Variants in PEAK1 observed in about 807,000 individuals in gnomAD.
The protein encoded by PEAK1 is inactive tyrosine-protein kinase PEAK1.
Under a neutral mutation model 124.7 loss-of-function variants are expected in PEAK1, and 54 were observed. That is an observed-to-expected ratio of 0.43 (90% CI 0.35 to 0.54). The LOEUF is 0.54. Ranked by LOEUF, PEAK1 falls within the 20% of genes least tolerant of loss-of-function variation. The pLI is 0.01. For synonymous variants in PEAK1, 719 were observed against 760.0 expected, an observed-to-expected ratio of 0.95 and a Z score of 0.89; for missense variants, 2,046 against 2,134.5, an observed-to-expected ratio of 0.96 and a Z score of 0.82.
intron 2 of PEAK1, among the ~76,000 whole-genome samples, chr15:77,304,038 T>C (rs537149394): frequency 6.6e-6 from 1 of 152,340 alleles, no homozygotes; most frequent in East Asian, 1.9e-4. Context: ...TTCTGTTCTA[T>C]TAATCTATGT....
At chr15:77,398,820 A>G (rs563064795) in intron 1 of PEAK1, among the ~76,000 whole-genome samples, 107 of 152,338 alleles carry the variant, frequency 7.0e-4, no homozygotes, top group African/African-American at 2.5e-3. Flanking sequence ...AAAGAAGTCA[A>G]ATTATCATTG....
chr15:77,224,449 G>T (rs1197956451), intron 6 of PEAK1, among the ~76,000 whole-genome samples: 1 of 151,988 alleles, frequency 6.6e-6, no homozygotes, highest in Admixed American at 6.6e-5. Context: ...TGCACTGACT[G>T]TCAACCTTGC....
At chr15:77,360,640 G>A (rs1395298513) in intron 2 of PEAK1, among the ~76,000 whole-genome samples, 1 of 152,046 alleles carries the variant, frequency 6.6e-6, no homozygotes, top group Non-Finnish European at 1.5e-5. Context: ...TTCTTTATAG[G>A]TGGGTTAGTA....
chr15:77,336,891 A>G (rs917736663), intron 2 of PEAK1, among the ~76,000 whole-genome samples: 2 of 151,728 alleles, frequency 1.3e-5, no homozygotes, highest in African/African-American at 2.4e-5. Context: ...ATAGGGCTAA[A>G]TGAAAAAAAA....
At chr15:77,298,761 C>T (rs2063640295) in intron 2 of PEAK1, among the ~76,000 whole-genome samples, 1 of 152,118 alleles carries the variant, frequency 6.6e-6, no homozygotes, top group Non-Finnish European at 1.5e-5. Flanking sequence ...TTTTCCTCAT[C>T]TCTGGCAGGT....
rs754447700 is a variant in PEAK1, at chr15:77,133,648, G to C, written c.3434C>G (p.Pro1145Arg). 6.2e-7 allele frequency: 1 copy of C among 1,614,078 alleles called. No individual in the cohort carries two copies. The highest frequency in any genetic ancestry group is 8.5e-7 in the Non-Finnish European group (1 of 1,180,008). The change falls in exon 9 of 10, where the codon CCC (proline) becomes CGC (arginine). Residue 1145 changes from proline (P) to arginine (R), a missense_variant. Transcript: ENST00000682557. The surrounding 1 kb of genome is among the most constrained non-coding windows in gnomAD (Gnocchi z 4.2). Reference protein sequence around the residue: ...AFGGKTDQEAPNASQPTPPPL... With the variant: ...AFGGKTDQEARNASQPTPPPL... ...GGGTGGTGTAGGTTGGGAAGCATTG[G>C]GTGCTTCTTGGTCTGTTTTCCCTCC...
intron 6 of PEAK1, among the ~76,000 whole-genome samples, chr15:77,237,119 T>G (rs893861113): frequency 1.3e-5 from 2 of 152,204 alleles, no homozygotes; most frequent in African/African-American, 4.8e-5. Context: ...ATAAGGAGAT[T>G]TAATTTTACA....
At chr15:77,415,462 T>C (rs1460435049) in intron 1 of PEAK1, among the ~76,000 whole-genome samples, 1 of 152,208 alleles carries the variant, frequency 6.6e-6, no homozygotes, top group Non-Finnish European at 1.5e-5. Flanking sequence ...GGTCTCATTA[T>C]GTTGCCCAGG....
intron 7 of PEAK1, among the ~76,000 whole-genome samples, chr15:77,161,352 C>A (rs936032733): frequency 6.6e-6 from 1 of 152,194 alleles, no homozygotes. Flanking sequence ...CTTTGGGGAA[C>A]CAAGCAAAGT....
At chr15:77,339,748 A>G (rs2066420363) in intron 2 of PEAK1, among the ~76,000 whole-genome samples, 2 of 152,214 alleles carry the variant, frequency 1.3e-5, no homozygotes, top group Admixed American at 6.5e-5. Flanking sequence ...TGCAAAAGAC[A>G]TATCTGAAAT....
intron 1 of PEAK1, among the ~76,000 whole-genome samples, chr15:77,378,290 A>G (rs892746502): frequency 1.3e-5 from 2 of 151,682 alleles, no homozygotes; most frequent in African/African-American, 4.8e-5. Flanking sequence ...TGACAATTTT[A>G]CGAAGCATCT....
intron 6 of PEAK1, among the ~76,000 whole-genome samples, chr15:77,245,928 T>C (rs564584380): frequency 6.6e-6 from 1 of 152,308 alleles, no homozygotes; most frequent in East Asian, 1.9e-4. Flanking sequence ...CTATTCAGAA[T>C]TGTTTTTGGC....
intron 2 of PEAK1, among the ~76,000 whole-genome samples, chr15:77,360,820 T>C (rs549280315): frequency 1.3e-5 from 2 of 152,016 alleles, no homozygotes; most frequent in South Asian, 4.2e-4. Flanking sequence ...AATTTTAAAA[T>C]GGCAAAGGAT....
intron 1 of PEAK1, among the ~76,000 whole-genome samples, chr15:77,398,177 T>G (rs2071058881): frequency 2.0e-5 from 3 of 152,088 alleles, no homozygotes; most frequent in Admixed American, 6.5e-5. Context: ...TACATAATAT[T>G]TAAAGAAGAA....
At chr15:77,204,876 C>G (rs2058556102) in intron 6 of PEAK1, 1 of 170,008 alleles carries the variant, frequency 5.9e-6, no homozygotes, top group Non-Finnish European at 1.2e-5. Context: ...TGCACTCCAG[C>G]CCCGGCAACA....
At chr15:77,290,179 G>A (rs34113948) in intron 2 of PEAK1, among the ~76,000 whole-genome samples, 3 of 152,096 alleles carry the variant, frequency 2.0e-5, no homozygotes, top group Non-Finnish European at 4.4e-5. Context: ...AGGCTGAAGC[G>A]CAGTCCACAA....
At chr15:77,130,713 A>G in intron 9 of PEAK1, among the ~76,000 whole-genome samples, 1 of 152,228 alleles carries the variant, frequency 6.6e-6, no homozygotes, top group East Asian at 1.9e-4. Context: ...ACACTACCTT[A>G]AGTTTACATA....
In PEAK1 at chr15:77,114,159, A is replaced by G; in HGVS notation, c.5238T>C (p.Arg1746=). The G allele has an allele frequency of 6.2e-7, 1 of 1,613,562 alleles. No individual in the cohort carries two copies. Among genetic ancestry groups the G allele is most frequent in the Non-Finnish European group, 8.5e-7 (1 of 1,179,494 alleles). The part of the protein sequence containing the change: ...LSCIVKILQH[R] The stretch of plus-strand genomic sequence containing the variant: ...AAAAGCATCATCCAGGTACACATTA[A>G]CGGTGCTGCAGAATTTTCACAATAC... Residue 1746 remains arginine, a synonymous_variant, in exon 10 of 10, where the codon CGT becomes CGC. Coordinates refer to ENST00000682557, the MANE Select transcript of PEAK1 (RefSeq NM_001385026.1).
chr15:77,358,194 C>G (rs756253721), intron 2 of PEAK1, among the ~76,000 whole-genome samples: 3 of 152,124 alleles, frequency 2.0e-5, no homozygotes, highest in Non-Finnish European at 4.4e-5. Flanking sequence ...CAATTTTGCT[C>G]TTACCTGTTT....
Sources: gnomAD v4.1 joint callset for allele counts (sites outside exome capture counted in the v4.1 genomes callset) on GRCh38, gnomAD v4.1.1 for gene constraint, Gnocchi (gnomAD v3.1) non-coding constraint, MANE v1.5 for transcripts, NCBI Gene and HGNC (gene_info 2026-07-23, HGNC 2026-07-21) for gene names.